KIR2DL4: variants seen among roughly 807,000 people sequenced by gnomAD.
KIR2DL4 encodes killer cell immunoglobulin-like receptor 2DL4.
Under a neutral mutation model 31.0 loss-of-function variants are expected in KIR2DL4, and 41 were observed. The observed-to-expected ratio is 1.32, with a 90% confidence interval of 1.03 to 1.72. KIR2DL4 has a LOEUF of 1.72. KIR2DL4 is among the 40% of genes most tolerant of loss of function. The pLI, the probability that KIR2DL4 is intolerant of heterozygous loss-of-function variation, is 0.00. For missense variants in KIR2DL4, 438 were observed against 353.7 expected, an observed-to-expected ratio of 1.24 and a Z score of -1.91; for synonymous variants, 164 against 133.6, an observed-to-expected ratio of 1.23 and a Z score of -1.57.
rs1287326136 is a variant in KIR2DL4 at position 54,803,885 on chromosome 19, T to A, written c.41-6T>A. The A allele has an allele frequency of 2.5e-6, 4 of 1,609,600 alleles. No homozygotes were observed. The highest frequency in any genetic ancestry group is 3.4e-6 in the Non-Finnish European group (4 of 1,178,458). On this transcript the variant is annotated splice_polypyrimidine_tract_variant and splice_region_variant and intron_variant, in intron 1 of 7. Transcript: ENST00000359085. ...ATGAATAGTTCATCATGATCTTTCT[T>A]TGCAGGGTTCTTCTTGGACCAGAGT...
Position 54,813,213 on chromosome 19 carries a change from G to A in KIR2DL4, c.795G>A (p.Trp265Ter), listed in dbSNP as rs1375564049. The change falls in exon 6 of 8, where the codon TGG becomes TGA. Residue 265 changes from tryptophan to a stop codon, truncating the protein, a stop_gained. Coordinates refer to ENST00000359085, the Ensembl canonical transcript of KIR2DL4. LOFTEE classifies it high-confidence loss of function. ...TTCCCTTCTTTCTCCTTCATCGCTG[G>A]TGCTCCAAAAAAAAAGTAAGCCTCA... is the stretch of plus-strand genomic sequence containing the variant. 4 of 1,524,266 alleles carry A rather than the reference G, an allele frequency of 2.6e-6. No individual in the cohort carries two copies. The highest frequency in any genetic ancestry group is 3.5e-6 in the Non-Finnish European group (4 of 1,146,356). 94.4% of individuals were successfully genotyped at this position (1,524,266 alleles called of 1,614,324 possible). A position where few individuals can be genotyped will look rare whatever the true frequency, so the allele number is the denominator to read the frequency against.
chr19:54,805,965 C>G (rs1489378865), exon 4 of KIR2DL4: 1 of 1,606,808 alleles, frequency 6.2e-7, no homozygotes, highest in Non-Finnish European at 8.5e-7. Context: ...ATATGAGAAA[C>G]CTTCGCTTAC....
intron 5 of KIR2DL4, among the ~76,000 whole-genome samples, chr19:54,812,854 A>G (rs1177532698): frequency 2.5e-5 from 1 of 39,954 alleles, no homozygotes; most frequent in African/African-American, 1.4e-4. Flanking sequence ...ACCCCTCCCA[A>G]TAGGCACAAC....
chr19:54,805,279 A>T (rs2060445276), intron 3 of KIR2DL4, among the ~76,000 whole-genome samples: 1 of 151,310 alleles, frequency 6.6e-6, no homozygotes, highest in African/African-American at 2.4e-5. Flanking sequence ...GGAGCCTGTG[A>T]CTATGTTATA....
At chr19:54,803,720 G>A (rs1601103445) in intron 1 of KIR2DL4, 29 bp downstream of exon 1, 2 of 1,608,014 alleles carry the variant, frequency 1.2e-6, no homozygotes, top group East Asian at 2.2e-5. Context: ...GGAGCACCAG[G>A]GTTACACTAT....
At chr19:54,813,627 G>A in intron 6 of KIR2DL4, 63 bp from the exon 6 acceptor site, 2 of 1,540,688 alleles carry the variant, frequency 1.3e-6, no homozygotes, top group Non-Finnish European at 1.8e-6. Flanking sequence ...GTTGGTATCT[G>A]TTCATGAAAT....
intron 5 of KIR2DL4, among the ~76,000 whole-genome samples, chr19:54,810,925 A>G (rs1279468091): frequency 6.6e-6 from 1 of 151,312 alleles, no homozygotes; most frequent in Non-Finnish European, 1.5e-5. Context: ...TGGACACAAG[A>G]TGTGTTTGTG....
chr19:54,805,210 G>A, intron 3 of KIR2DL4, 133 bp downstream of exon 3: 2 of 839,672 alleles, frequency 2.4e-6, no homozygotes, highest in East Asian at 2.7e-5. Flanking sequence ...GAATACAGGG[G>A]AATGGGTGCT....
At chr19:54,811,288 T>G (rs1453468382) in intron 5 of KIR2DL4, among the ~76,000 whole-genome samples, 2 of 150,588 alleles carry the variant, frequency 1.3e-5, no homozygotes, top group Non-Finnish European at 2.9e-5. Flanking sequence ...ATACCAGCTA[T>G]TCGGGAAGTT....
At chr19:54,809,956 C>T (rs1244237317) in intron 5 of KIR2DL4, among the ~76,000 whole-genome samples, 3 of 149,308 alleles carry the variant, frequency 2.0e-5, no homozygotes, top group Non-Finnish European at 3.0e-5. Context: ...TGGGGTGGGG[C>T]GGCATTCTTA....
chr19:54,808,051 G>T lies in KIR2DL4; in HGVS notation c.656-782G>T, dbSNP rs1174417455. On this transcript the variant is annotated intron_variant, in intron 4 of 7. Transcript: ENST00000359085. ...TACTAATTTTATAATTAAATTATTA[G>T]TTTTATTGAGGTGTTTGAGCTTCTT... Among the ~76,000 whole-genome samples, 8 of 151,122 alleles carry T rather than the reference G, an allele frequency of 5.3e-5. 1 individual carries two copies. Among genetic ancestry groups the T allele is most frequent in the Admixed American group, 4.6e-4 (7 of 15,192 alleles).
At chr19:54,809,689 G>C (rs1194851205) in intron 5 of KIR2DL4, among the ~76,000 whole-genome samples, 1 of 151,078 alleles carries the variant, frequency 6.6e-6, no homozygotes, top group African/African-American at 2.4e-5. Flanking sequence ...CCTCTCACAC[G>C]GCATCACTCA....
At chr19:54,804,736 G>C in intron 2 of KIR2DL4, 57 bp from the exon 3 acceptor site, 1 of 1,538,958 alleles carries the variant, frequency 6.5e-7, no homozygotes, top group Non-Finnish European at 8.9e-7. Flanking sequence ...CTGAGCACAG[G>C]GAGGGAGGGG....
intron 4 of KIR2DL4, among the ~76,000 whole-genome samples, chr19:54,807,441 C>T (rs1418323960): frequency 3.3e-5 from 5 of 151,324 alleles, no homozygotes; most frequent in East Asian, 3.9e-4. Context: ...TTGTTTTATG[C>T]TTTTTGTTTT....
At position 54,803,857 on chromosome 19, in the gene KIR2DL4, G is replaced by A. The variant is rs759856886; in HGVS notation, c.41-34G>A. ...CAGGAGGAAAGGGTAGGTTGCTGCC[G>A]AGATGAATAGTTCATCATGATCTTT... On this transcript the variant is annotated intron_variant, in intron 1 of 7. Transcript: ENST00000359085. 31 of 1,601,300 alleles carry A rather than the reference G, an allele frequency of 1.9e-5. 2 individuals carry two copies. The highest frequency in any genetic ancestry group is 2.4e-5 in the Non-Finnish European group (28 of 1,171,678).
At chr19:54,809,022 AC>A in intron 5 of KIR2DL4, 139 bp downstream of exon 5, 1 of 776,842 alleles carries the variant, frequency 1.3e-6, no homozygotes, top group Admixed American at 1.8e-5. Flanking sequence ...AGACACTCCA[AC>A]AGCGAAAGGG....
At position 54,813,832 on chromosome 19, in the gene KIR2DL4, C is replaced by G. The variant is rs570638678; in HGVS notation, c.*42-10C>G. 9 of 1,612,328 alleles carry G rather than the reference C, an allele frequency of 5.6e-6. No homozygotes were observed. The South Asian group carries it at 8.8e-5, about 16-fold the overall frequency. The stretch of plus-strand genomic sequence containing the variant: ...ACACCCTCCCTCACTCAGGATTTCC[C>G]TCTCTCCAGGACTCTGATGAACAAG... On this transcript the variant is annotated splice_polypyrimidine_tract_variant and intron_variant, in intron 7 of 7. Coordinates refer to ENST00000359085, the Ensembl canonical transcript of KIR2DL4.
intron 4 of KIR2DL4, among the ~76,000 whole-genome samples, chr19:54,808,404 A>G (rs2060654152): frequency 6.6e-6 from 1 of 151,294 alleles, no homozygotes; most frequent in East Asian, 1.9e-4. Flanking sequence ...GTGCAGTTTC[A>G]TCCCTCTGCA....
Position 54,805,087 on chromosome 19 carries a change from C to T in KIR2DL4, c.361+10C>T. The T allele has an allele frequency of 6.3e-7, 1 of 1,588,844 alleles. No individual in the cohort carries two copies. The highest frequency in any genetic ancestry group is 8.5e-7 in the Non-Finnish European group (1 of 1,170,734). On this transcript the variant is annotated intron_variant, in intron 3 of 7. Transcript: ENST00000359085. ...GTGATCATGGTCACAGGTCAGAGGG[C>T]TCCTGTCTGGGCTTCTCCTTGTCCC...
Sources: allele counts gnomAD v4.1 joint callset (sites outside exome capture counted in the v4.1 genomes callset), GRCh38; gene constraint gnomAD v4.1.1; transcripts MANE v1.5; gene names NCBI Gene and HGNC (gene_info 2026-07-23, HGNC 2026-07-21).